The following SORT1 variants were observed in gnomAD, a reference collection of about 807,000 sequenced individuals.
The protein encoded by SORT1 is sortilin 1, also known as sortilin.
Under a neutral mutation model 101.7 loss-of-function variants are expected in SORT1, and 39 were observed. That is an observed-to-expected ratio of 0.38 (90% CI 0.30 to 0.50). The LOEUF is 0.50. Ranked by LOEUF, SORT1 falls within the 20% of genes least tolerant of loss-of-function variation. The pLI, the probability that SORT1 is intolerant of heterozygous loss-of-function variation, is 0.90. For synonymous variants in SORT1, 396 were observed against 393.7 expected, an observed-to-expected ratio of 1.01 and a Z score of -0.07; for missense variants, 878 against 1,040.4, an observed-to-expected ratio of 0.84 and a Z score of 2.15.
intron 1 of SORT1, among the ~76,000 whole-genome samples, chr1:109,386,571 G>A (rs1439500625): frequency 6.6e-6 from 1 of 152,130 alleles, no homozygotes; most frequent in African/African-American, 2.4e-5. Flanking sequence ...TATGCACATA[G>A]GCCAGGTGTG....
intron 2 of SORT1, among the ~76,000 whole-genome samples, chr1:109,369,093 C>T (rs1179707745): frequency 2.0e-5 from 3 of 151,900 alleles, no homozygotes; most frequent in Non-Finnish European, 2.9e-5. Flanking sequence ...GGCTGAGGCG[C>T]GTGGATCACC....
intron 16 of SORT1, among the ~76,000 whole-genome samples, chr1:109,317,496 G>GA (rs1452852581): frequency 6.6e-6 from 1 of 152,246 alleles, no homozygotes; most frequent in Non-Finnish European, 1.5e-5. Flanking sequence ...AACTGTGCCA[G>GA]ACGAGCGATG....
rs560696881 is a variant in SORT1 at position 109,339,407 on chromosome 1, A to G, written c.1264+1317T>C. Among the ~76,000 whole-genome samples, 4 of 152,366 alleles carry G rather than the reference A, an allele frequency of 2.6e-5. No homozygotes were observed. In the East Asian group the frequency reaches 7.7e-4, roughly 29 times the overall value. ...CACCAGAGGAGCATCAGTGAACACA[A>G]CTTTAAAAATCACTGCCATCCATAG... On this transcript the variant is annotated intron_variant, in intron 10 of 19. Transcript: ENST00000256637.
chr1:109,332,854 A>C (rs1257332207), intron 11 of SORT1, among the ~76,000 whole-genome samples: 1 of 152,222 alleles, frequency 6.6e-6, no homozygotes, highest in Admixed American at 6.5e-5. Context: ...AGAACACACA[A>C]TGTGAAAAAG....
At chr1:109,319,694 C>T (rs560063990) in intron 15 of SORT1, among the ~76,000 whole-genome samples, 5 of 151,998 alleles carry the variant, frequency 3.3e-5, no homozygotes, top group African/African-American at 1.2e-4. Context: ...GGTGAAACCC[C>T]GTCTTTACTA....
Position 109,378,236 on chromosome 1 carries a change from A to G in SORT1, c.307-8647T>C, listed in dbSNP as rs569305580. Reference sequence around the variant, plus strand: ...TGGAAAACAGAGAGAGACCCGGTCTATATTTAAAAGAATAATAATAAGAAG... The same window carrying G: ...TGGAAAACAGAGAGAGACCCGGTCTGTATTTAAAAGAATAATAATAAGAAG... On this transcript the variant is annotated intron_variant, in intron 1 of 19. Transcript: ENST00000256637. Among the ~76,000 whole-genome samples, 4 of 152,270 alleles carry G rather than the reference A, an allele frequency of 2.6e-5. No individual in the cohort carries two copies. In the East Asian group the frequency reaches 7.7e-4, roughly 29 times the overall value.
chr1:109,318,189 T>C (rs1238461063), intron 15 of SORT1, among the ~76,000 whole-genome samples: 2 of 148,518 alleles, frequency 1.3e-5, no homozygotes, highest in Non-Finnish European at 3.0e-5. Flanking sequence ...AGTCCCACTC[T>C]CTCGCCTAGG....
At chr1:109,344,841 C>T (rs1649473509) in intron 8 of SORT1, among the ~76,000 whole-genome samples, 1 of 151,986 alleles carries the variant, frequency 6.6e-6, no homozygotes, top group Non-Finnish European at 1.5e-5. Context: ...AGACTACAGG[C>T]ACATGCCACC....
At chr1:109,337,696 CGGCTCACTG>C (rs1443978979) in intron 10 of SORT1, among the ~76,000 whole-genome samples, 1 of 152,094 alleles carries the variant, frequency 6.6e-6, no homozygotes, top group Non-Finnish European at 1.5e-5. Context: ...GGCACCATCT[CGGCTCACTG>C]CAACCTCTGC....
At chr1:109,317,079 A>G in intron 16 of SORT1, 121 bp from the exon 17 acceptor site, 1 of 672,738 alleles carries the variant, frequency 1.5e-6, no homozygotes, top group South Asian at 1.9e-5. Flanking sequence ...GTCATGTTTC[A>G]GGCCTGGGGG....
chr1:109,395,452 C>T (rs1181496365), intron 1 of SORT1, among the ~76,000 whole-genome samples: 1 of 151,786 alleles, frequency 6.6e-6, no homozygotes, highest in Non-Finnish European at 1.5e-5. Context: ...AACTTCTGAC[C>T]TCAAGTGATC....
chr1:109,356,759 C>T (rs1298472496), intron 3 of SORT1, among the ~76,000 whole-genome samples: 5 of 152,174 alleles, frequency 3.3e-5, no homozygotes, highest in Non-Finnish European at 7.3e-5. Flanking sequence ...AAAGTTCATT[C>T]CAACAATATC....
intron 1 of SORT1, among the ~76,000 whole-genome samples, chr1:109,380,113 CAA>C (rs34463621): frequency 6.6e-6 from 1 of 151,540 alleles, no homozygotes; most frequent in Non-Finnish European, 1.5e-5. Flanking sequence ...CTGTCTCTAC[CAA>C]AAAAGAAAAC....
chr1:109,318,405 C>T (rs1323840723), intron 15 of SORT1, among the ~76,000 whole-genome samples: 2 of 152,152 alleles, frequency 1.3e-5, no homozygotes, highest in African/African-American at 4.8e-5. Context: ...CCACCTCGGC[C>T]TCCAAAAGTG....
At chr1:109,331,799 T>A (rs1648470444) in intron 11 of SORT1, among the ~76,000 whole-genome samples, 1 of 151,808 alleles carries the variant, frequency 6.6e-6, no homozygotes, top group South Asian at 2.1e-4. Context: ...CTTTAAAGAC[T>A]CCACCAAAAA....
chr1:109,369,599 G>T lies in SORT1; in HGVS notation c.307-10C>A. The T allele has an allele frequency of 6.3e-7, 1 of 1,588,456 alleles. No individual in the cohort carries two copies. Among genetic ancestry groups the T allele is most frequent in the Non-Finnish European group, 8.6e-7 (1 of 1,157,294 alleles). Reference sequence around the variant, plus strand: ...GATCATCAAACACATGCTATAAGGGGAAAAAAAATTAATTTAGAAATGACA... The same window carrying T: ...GATCATCAAACACATGCTATAAGGGTAAAAAAAATTAATTTAGAAATGACA... On this transcript the variant is annotated splice_polypyrimidine_tract_variant and intron_variant, in intron 1 of 19. Coordinates refer to ENST00000256637, the MANE Select transcript of SORT1 (RefSeq NM_002959.7).
At chr1:109,358,737 C>T (rs1395138953) in intron 3 of SORT1, among the ~76,000 whole-genome samples, 2 of 151,952 alleles carry the variant, frequency 1.3e-5, no homozygotes, top group Non-Finnish European at 2.9e-5. Context: ...GCCTGAAATC[C>T]CTGCTACTCA....
At chr1:109,389,605 C>T (rs1048474010) in intron 1 of SORT1, among the ~76,000 whole-genome samples, 2 of 152,206 alleles carry the variant, frequency 1.3e-5, no homozygotes, top group Non-Finnish European at 2.9e-5. Flanking sequence ...AAGAGTTCAA[C>T]CTTATCCTTG....
intron 1 of SORT1, among the ~76,000 whole-genome samples, chr1:109,383,300 A>C (rs1652376574): frequency 2.0e-5 from 3 of 152,314 alleles, no homozygotes; most frequent in Middle Eastern, 6.8e-3. Context: ...CATTCTTCAC[A>C]TACCTGCCCT....
Sources: gnomAD v4.1 joint callset for allele counts (sites outside exome capture counted in the v4.1 genomes callset) on GRCh38, gnomAD v4.1.1 for gene constraint, MANE v1.5 for transcripts, NCBI Gene and HGNC (gene_info 2026-07-23, HGNC 2026-07-21) for gene names.